CADM1: variants seen among roughly 807,000 people sequenced by gnomAD.
CADM1 encodes TSLC-1.
In CADM1, 15 loss-of-function variants were observed where a neutral mutation model predicts 53.1. The observed-to-expected ratio is 0.28, with a 90% CI of 0.19 to 0.44. The LOEUF is 0.44. Among genes scored for constraint, CADM1 ranks in the 20% least tolerant of loss-of-function variants. The pLI is 1.00. For synonymous variants in CADM1, 281 were observed against 243.0 expected (o/e 1.16, Z -1.45); for missense variants, 434 against 611.3 (o/e 0.71, Z 3.06).
intron 1 of CADM1, among the ~76,000 whole-genome samples, chr11:115,472,300 C>T (rs1949032351): frequency 6.6e-6 from 1 of 152,206 alleles, no homozygotes; most frequent in South Asian, 2.1e-4. Flanking sequence ...TGGATCACAA[C>T]ACAGATATGG....
At chr11:115,343,612 C>A (rs1012352392) in intron 1 of CADM1, among the ~76,000 whole-genome samples, 3 of 151,626 alleles carry the variant, frequency 2.0e-5, no homozygotes, top group African/African-American at 7.3e-5. Flanking sequence ...AGGGAAAAAG[C>A]TGGGGACTAT....
At chr11:115,461,072 T>C (rs1948784626) in intron 1 of CADM1, among the ~76,000 whole-genome samples, 1 of 152,022 alleles carries the variant, frequency 6.6e-6, no homozygotes, top group South Asian at 2.1e-4. Flanking sequence ...ACAGATTTAC[T>C]GGGTTCCTAA....
chr11:115,392,610 C>T (rs1946864747), intron 1 of CADM1, among the ~76,000 whole-genome samples: 1 of 152,044 alleles, frequency 6.6e-6, no homozygotes, highest in Non-Finnish European at 1.5e-5. Flanking sequence ...CAAATAAACA[C>T]AAATTAAAGC....
intron 1 of CADM1, among the ~76,000 whole-genome samples, chr11:115,303,247 G>A (rs938239267): frequency 6.6e-6 from 1 of 152,028 alleles, no homozygotes; most frequent in African/African-American, 2.4e-5. Context: ...CAAAGTATAA[G>A]GGAAACAATT....
intron 9 of CADM1, among the ~76,000 whole-genome samples, chr11:115,198,017 T>C (rs1565291911): frequency 6.6e-6 from 1 of 152,222 alleles, no homozygotes; most frequent in Non-Finnish European, 1.5e-5. Context: ...AAGATTTACC[T>C]GGGACTATGG....
At chr11:115,248,680 T>C (rs758778888) in intron 1 of CADM1, among the ~76,000 whole-genome samples, 1 of 152,168 alleles carries the variant, frequency 6.6e-6, no homozygotes, top group Non-Finnish European at 1.5e-5. Flanking sequence ...GCTGGATAGG[T>C]TGCATGGGCT....
At chr11:115,370,093 T>C (rs1305806588) in intron 1 of CADM1, among the ~76,000 whole-genome samples, 1 of 152,200 alleles carries the variant, frequency 6.6e-6, no homozygotes, top group African/African-American at 2.4e-5. Flanking sequence ...CCAGTGAAAC[T>C]AAATAAGTTC....
chr11:115,466,005 C>T (rs1948892225), intron 1 of CADM1, among the ~76,000 whole-genome samples: 1 of 152,082 alleles, frequency 6.6e-6, no homozygotes, highest in Admixed American at 6.6e-5. Flanking sequence ...TTATAAGACT[C>T]CAGCAATGTG....
rs1222933301 is a variant in CADM1 at position 115,492,759 on chromosome 11, GA to G, written c.124+11511del. Reference sequence around the variant, plus strand: ...ACAAATAAGGAATGGGAGATGGAGAGAAAGTACCCTCAGATGTTAGACTGGA... The same window carrying G: ...ACAAATAAGGAATGGGAGATGGAGAGAAGTACCCTCAGATGTTAGACTGGA... On this transcript the variant is annotated intron_variant, in intron 1 of 11. Transcript: ENST00000331581. Among the ~76,000 whole-genome samples, 12 of 152,236 alleles carry G rather than the reference GA, an allele frequency of 7.9e-5. No homozygotes were observed. The South Asian group carries it at 2.3e-3, about 29-fold the overall frequency.
chr11:115,491,575 A>C (rs1023749571), intron 1 of CADM1, among the ~76,000 whole-genome samples: 4 of 152,182 alleles, frequency 2.6e-5, no homozygotes, highest in Non-Finnish European at 4.4e-5. Context: ...CAAAAAAAAA[A>C]GAAAATAAAA....
chr11:115,262,502 A>G, intron 1 of CADM1, among the ~76,000 whole-genome samples: 1 of 152,202 alleles, frequency 6.6e-6, no homozygotes, highest in East Asian at 1.9e-4. Context: ...TGTTTCCATA[A>G]GCACCTCACT....
At chr11:115,249,436 G>A (rs1270197298) in intron 1 of CADM1, among the ~76,000 whole-genome samples, 1 of 152,230 alleles carries the variant, frequency 6.6e-6, no homozygotes, top group African/African-American at 2.4e-5. Flanking sequence ...TTCATCCGGT[G>A]TTGTTGGTCA....
At position 115,222,716 on chromosome 11, in the gene CADM1, C is replaced by T. The variant is rs79353069; in HGVS notation, c.722-4725G>A. Among the ~76,000 whole-genome samples the T allele has an allele frequency of 5.5e-4, 83 of 152,232 alleles. No homozygotes were observed. The East Asian group carries it at 0.014, about 25-fold the overall frequency. ...CACAGTAGAATGCAGTCTTCTCTTG[C>T]TGCAACTTTCAGGTAGGTTTGTGGG... On this transcript the variant is annotated intron_variant, in intron 5 of 11. Coordinates refer to ENST00000331581, the MANE Select transcript of CADM1 (RefSeq NM_001301043.2).
At position 115,214,728 on chromosome 11, in the gene CADM1, C is replaced by T. The variant is rs777959081; in HGVS notation, c.874G>A (p.Val292Ile). The stretch of plus-strand genomic sequence containing the variant: ...ATGAACAGGTTGGGCCCAGACAGTA[C>T]GGCGTGTTGAGGCATTTCATCATCG... Reference protein sequence around the residue: ...RVDDEMPQHAVLSGPNLFINN... With the variant: ...RVDDEMPQHAILSGPNLFINN... Residue 292 changes from valine (V) to isoleucine (I), a missense_variant, in exon 7 of 12, where the codon GTA (valine) becomes ATA (isoleucine). By Grantham distance (29) the Val-to-Ile change is conservative. This residue lies in a region of CADM1 where 311 missense variants were observed against 435.1 expected (regional missense o/e 0.71). Coordinates refer to ENST00000331581, the MANE Select transcript of CADM1 (RefSeq NM_001301043.2). 6.8e-6 allele frequency: 11 copies of T among 1,613,798 alleles called. No homozygotes were observed. Among genetic ancestry groups the T allele is most frequent in the African/African-American group, 2.7e-5 (2 of 74,854 alleles).
intron 1 of CADM1, among the ~76,000 whole-genome samples, chr11:115,413,656 T>G (rs1947515510): frequency 6.7e-6 from 1 of 149,926 alleles, no homozygotes. Context: ...TTTTTTTTTT[T>G]TTCTCTGAGA....
At chr11:115,418,552 T>A (rs1565417488) in intron 1 of CADM1, among the ~76,000 whole-genome samples, 2 of 152,014 alleles carry the variant, frequency 1.3e-5, no homozygotes, top group African/African-American at 2.4e-5. Context: ...ATTATATATT[T>A]AAAAAAAATT....
intron 1 of CADM1, among the ~76,000 whole-genome samples, chr11:115,328,849 A>G (rs1198101994): frequency 7.1e-6 from 1 of 139,974 alleles, no homozygotes; most frequent in Non-Finnish European, 1.6e-5. Context: ...AAGAAGATGT[A>G]CATGAGAGAC....
intron 1 of CADM1, among the ~76,000 whole-genome samples, chr11:115,311,116 T>C (rs1316609162): frequency 6.6e-6 from 1 of 152,220 alleles, no homozygotes; most frequent in African/African-American, 2.4e-5. Context: ...TAGATAGCTA[T>C]CCTAACTTTC....
chr11:115,445,283 C>T (rs1271192780), intron 1 of CADM1, among the ~76,000 whole-genome samples: 1 of 151,982 alleles, frequency 6.6e-6, no homozygotes, highest in South Asian at 2.1e-4. Flanking sequence ...GATAAGCAGT[C>T]GGCTTGGGGA....
Sources: allele counts gnomAD v4.1 joint callset (sites outside exome capture counted in the v4.1 genomes callset), GRCh38; gene constraint gnomAD v4.1.1; regional missense constraint gnomAD v4.1.1; transcripts MANE v1.5; gene names NCBI Gene and HGNC (gene_info 2026-07-23, HGNC 2026-07-21).